BANF2: variants seen among roughly 807,000 people sequenced by gnomAD.
BANF2 encodes BANF family member 2.
BANF2 carries 4 observed loss-of-function variants against 8.0 expected under a neutral mutation model. The observed-to-expected ratio is 0.50, with a 90% CI of 0.25 to 1.14. The LOEUF (loss-of-function observed/expected upper bound fraction) is 1.14. BANF2 is among the 50% of genes most tolerant of loss of function. BANF2 has a pLI of 0.16. For missense variants in BANF2, 96 were observed against 107.5 expected, an observed-to-expected ratio of 0.89 and a Z score of 0.47; for synonymous variants, 50 against 40.6, an observed-to-expected ratio of 1.23 and a Z score of -0.88.
intron 1 of BANF2, chr20:17,712,467 C>T: frequency 2.1e-6 from 2 of 940,036 alleles, no homozygotes; most frequent in African/African-American, 3.6e-5. Flanking sequence ...TGCACCATTC[C>T]CACAGCCCGA....
intron 1 of BANF2, among the ~76,000 whole-genome samples, chr20:17,712,991 T>G (rs1485016299): frequency 6.6e-6 from 1 of 152,146 alleles, no homozygotes; most frequent in Non-Finnish European, 1.5e-5. Flanking sequence ...CTCATGCCTG[T>G]AATCCTAATA....
intron 3 of BANF2, among the ~76,000 whole-genome samples, chr20:17,734,505 C>T (rs2037947344): frequency 6.6e-6 from 1 of 152,230 alleles, no homozygotes. Flanking sequence ...CTTCAGGTTA[C>T]ATGAGTTGCC....
At chr20:17,716,535 G>C (rs985613523) in intron 1 of BANF2, among the ~76,000 whole-genome samples, 2 of 151,634 alleles carry the variant, frequency 1.3e-5, no homozygotes, top group African/African-American at 4.8e-5. Context: ...ATGTTGCCCA[G>C]GCTCACCCGT....
chr20:17,716,169 T>C (rs2037649415), intron 1 of BANF2, among the ~76,000 whole-genome samples: 1 of 152,318 alleles, frequency 6.6e-6, no homozygotes. Context: ...AATGGAGCCC[T>C]GTGGAAGCTC....
intron 1 of BANF2, among the ~76,000 whole-genome samples, chr20:17,713,808 C>A (rs1191595025): frequency 6.6e-6 from 1 of 151,750 alleles, no homozygotes; most frequent in African/African-American, 2.4e-5. Context: ...GCACTCCAGC[C>A]TGGGTGACAG....
At chr20:17,710,948 G>A (rs2037562036) in intron 1 of BANF2, among the ~76,000 whole-genome samples, 1 of 151,634 alleles carries the variant, frequency 6.6e-6, no homozygotes, top group African/African-American at 2.4e-5. Flanking sequence ...GCGGGGGCGG[G>A]GGCGCCGCCA....
At chr20:17,711,547 A>T (rs1414271553) in intron 1 of BANF2, among the ~76,000 whole-genome samples, 1 of 152,164 alleles carries the variant, frequency 6.6e-6, no homozygotes, top group Non-Finnish European at 1.5e-5. Context: ...AGGAGCTGAG[A>T]GGTGTGCACC....
At chr20:17,723,284 G>A (rs1051276729) in intron 2 of BANF2, among the ~76,000 whole-genome samples, 6 of 152,200 alleles carry the variant, frequency 3.9e-5, no homozygotes, top group Admixed American at 6.5e-5. Flanking sequence ...GTTTGAACCA[G>A]AGAGGGCATT....
chr20:17,717,344 A>G (rs1478944203), intron 1 of BANF2, among the ~76,000 whole-genome samples: 1 of 152,150 alleles, frequency 6.6e-6, no homozygotes, highest in African/African-American at 2.4e-5. Context: ...CTGTTTTCCT[A>G]TAAATCTGCT....
Position 17,710,278 on chromosome 20 carries a change from T to G in BANF2, c.-167+10223T>G, listed in dbSNP as rs1181654391. Among the ~76,000 whole-genome samples, 4 of 152,312 alleles carry G rather than the reference T, an allele frequency of 2.6e-5. No homozygotes were observed. The East Asian group carries it at 7.7e-4, about 29-fold the overall frequency. On this transcript the variant is annotated intron_variant, in intron 1 of 3. Transcript: ENST00000246090. Reference sequence around the variant, plus strand: ...CAGCGTCTGCTAAAACTGTCCTTGTTGTTCTGACTCCTGTCCTGGAGAGGG... The same window carrying G: ...CAGCGTCTGCTAAAACTGTCCTTGTGGTTCTGACTCCTGTCCTGGAGAGGG...
chr20:17,710,430 T>C (rs2037551902), intron 1 of BANF2, among the ~76,000 whole-genome samples: 1 of 152,158 alleles, frequency 6.6e-6, no homozygotes, highest in South Asian at 2.1e-4. Context: ...AACAATTCTC[T>C]AATGTTGCAG....
In BANF2 at chr20:17,725,113, G is replaced by T; in HGVS notation, c.88G>T (p.Glu30Ter). Residue 30 changes from glutamate to a stop codon, truncating the protein, a stop_gained, in exon 3 of 4, where the codon GAG becomes TAG. Transcript: ENST00000246090. LOFTEE classifies it high-confidence loss of function. ...DVCWVDGISH[E>*]LAINLVTKGI... is the part of the protein sequence containing the mutation. The stretch of plus-strand genomic sequence containing the variant: ...CTGCTGGGTGGATGGCATCAGCCAT[G>T]AGCTCGCGATCAATTTGGTCACCAA... 6.2e-7 allele frequency: 1 copy of T among 1,613,068 alleles called. No individual in the cohort carries two copies. Among genetic ancestry groups the T allele is most frequent in the East Asian group, 2.2e-5 (1 of 44,880 alleles).
chr20:17,720,260 G>A (rs190073343), intron 1 of BANF2, among the ~76,000 whole-genome samples: 3 of 152,316 alleles, frequency 2.0e-5, no homozygotes, highest in East Asian at 1.9e-4. Context: ...TTGAATGCAC[G>A]TTCTCAAAGA....
At chr20:17,722,142 C>A (rs1367501223) in intron 1 of BANF2, among the ~76,000 whole-genome samples, 2 of 152,326 alleles carry the variant, frequency 1.3e-5, no homozygotes, top group Middle Eastern at 6.8e-3. Context: ...TTCTGACCTC[C>A]GACGTTGCTG....
chr20:17,733,639 C>T (rs2037934136), intron 3 of BANF2, among the ~76,000 whole-genome samples: 1 of 152,158 alleles, frequency 6.6e-6, no homozygotes, highest in Admixed American at 6.5e-5. Flanking sequence ...TTAAATACAT[C>T]TCAGTAAAAT....
chr20:17,709,544 C>G (rs1457573717), intron 1 of BANF2, among the ~76,000 whole-genome samples: 1 of 152,272 alleles, frequency 6.6e-6, no homozygotes, highest in African/African-American at 2.4e-5. Flanking sequence ...ACACAAGATG[C>G]CCCTTTGTTT....
intron 1 of BANF2, among the ~76,000 whole-genome samples, chr20:17,714,973 A>G (rs1213724177): frequency 2.0e-5 from 3 of 152,228 alleles, no homozygotes; most frequent in African/African-American, 7.2e-5. Context: ...ATTTTATACC[A>G]TCTAGAGACT....
chr20:17,716,843 A>G (rs1414237429), intron 1 of BANF2, among the ~76,000 whole-genome samples: 1 of 113,594 alleles, frequency 8.8e-6, no homozygotes, highest in Non-Finnish European at 1.9e-5. Context: ...CTCCATCTCA[A>G]AAAAAAAAAA....
intron 3 of BANF2, among the ~76,000 whole-genome samples, chr20:17,729,464 C>T (rs894281930): frequency 3.3e-5 from 5 of 152,206 alleles, no homozygotes; most frequent in East Asian, 1.9e-4. Context: ...TAGCTGGGCA[C>T]GGTGGCTCAC....
Sources: gnomAD v4.1 joint callset for allele counts (sites outside exome capture counted in the v4.1 genomes callset) on GRCh38, gnomAD v4.1.1 for gene constraint, MANE v1.5 for transcripts, NCBI Gene and HGNC (gene_info 2026-07-23, HGNC 2026-07-21) for gene names.